Variants in SFXN5 observed in about 807,000 individuals in gnomAD.
SFXN5 encodes sideroflexin-5.
SFXN5 carries 43 observed loss-of-function variants against 50.2 expected under a neutral mutation model. The observed-to-expected ratio is 0.86, with a 90% CI of 0.67 to 1.11. The LOEUF (loss-of-function observed/expected upper bound fraction) is 1.11. Ranked by LOEUF, SFXN5 falls within the 50% of genes least tolerant of loss-of-function variation. SFXN5 has a pLI of 0.00. For synonymous variants in SFXN5, 203 were observed against 185.8 expected (o/e 1.09, Z -0.75); for missense variants, 463 against 454.1 (o/e 1.02, Z -0.18).
intron 2 of SFXN5, among the ~76,000 whole-genome samples, chr2:73,041,418 G>C (rs570876189): frequency 6.6e-6 from 1 of 152,148 alleles, no homozygotes; most frequent in African/African-American, 2.4e-5. Context: ...TAGGCCAGGC[G>C]CGGTGGCTCA....
intron 2 of SFXN5, among the ~76,000 whole-genome samples, chr2:73,050,720 T>C (rs1681196210): frequency 6.6e-6 from 1 of 152,212 alleles, no homozygotes; most frequent in Non-Finnish European, 1.5e-5. Context: ...TCTTAATGAA[T>C]AGCACCTGGC....
At chr2:73,023,132 A>T in intron 4 of SFXN5, 56 bp downstream of exon 4, 2 of 1,563,004 alleles carry the variant, frequency 1.3e-6, no homozygotes, top group Non-Finnish European at 1.7e-6. Context: ...GGGACAGGGC[A>T]GGGTGGAGTC....
At position 72,942,500 on chromosome 2, in the gene SFXN5, C is replaced by T. The variant is rs887545135; in HGVS notation, c.*2522G>A. 6.6e-6 allele frequency: 1 copy of T among 152,410 alleles called. No individual in the cohort carries two copies. Among genetic ancestry groups the T allele is most frequent in the South Asian group, 2.1e-4 (1 of 4,836 alleles). The allele number at this position is 152,410 out of a possible 1,614,324, so 9.4% of individuals were successfully genotyped here. A position where few individuals can be genotyped will look rare whatever the true frequency, so the allele number is the denominator to read the frequency against. On this transcript the variant is annotated 3_prime_UTR_variant, in exon 14 of 14. Transcript: ENST00000272433. ...GTTCTCGCACAGCTGGCCAGCCCCGCCCTGACTGTGTCCAGGCTTAGCCTC... is the reference window on the plus strand; with the variant it reads ...GTTCTCGCACAGCTGGCCAGCCCCGTCCTGACTGTGTCCAGGCTTAGCCTC...
chr2:72,961,663 A>G lies in SFXN5; in HGVS notation c.828-415T>C, dbSNP rs759076999. Among the ~76,000 whole-genome samples, 15 of 152,212 alleles carry G rather than the reference A, an allele frequency of 9.9e-5. No homozygotes were observed. Among genetic ancestry groups the G allele is most frequent in the Non-Finnish European group, 1.9e-4 (13 of 68,040 alleles). ...TCTCGAGGGCAGCACGTAATTAAAC[A>G]GCAAAGAAACCAGAGTAGGTGCCAA... On this transcript the variant is annotated intron_variant, in intron 12 of 13. Transcript: ENST00000272433. The surrounding 1 kb of genome is among the most constrained non-coding windows in gnomAD (Gnocchi z 4.4).
At chr2:72,994,418 GC>G (rs1672969710) in intron 9 of SFXN5, among the ~76,000 whole-genome samples, 1 of 152,114 alleles carries the variant, frequency 6.6e-6, no homozygotes, top group African/African-American at 2.4e-5. Context: ...AAGGTTAACA[GC>G]CACTGCATCC....
At chr2:72,985,956 G>A (rs905403655) in intron 10 of SFXN5, among the ~76,000 whole-genome samples, 9 of 152,192 alleles carry the variant, frequency 5.9e-5, no homozygotes, top group East Asian at 3.8e-4. Context: ...CCCCGGCAAA[G>A]TTCTTATCTA....
intron 13 of SFXN5, among the ~76,000 whole-genome samples, chr2:72,946,157 C>A (rs1299631303): frequency 1.3e-5 from 2 of 149,930 alleles, no homozygotes; most frequent in African/African-American, 4.9e-5. Context: ...CCTCCTGGGT[C>A]ATCCTCCCTC....
intron 2 of SFXN5, among the ~76,000 whole-genome samples, chr2:73,044,030 T>C (rs919758295): frequency 6.6e-6 from 1 of 152,154 alleles, no homozygotes; most frequent in Non-Finnish European, 1.5e-5. Flanking sequence ...CCCTTAAGCC[T>C]GCCCCTCCGG....
At chr2:73,035,733 T>C (rs1453591748) in intron 3 of SFXN5, among the ~76,000 whole-genome samples, 3 of 152,034 alleles carry the variant, frequency 2.0e-5, no homozygotes, top group Non-Finnish European at 2.9e-5. Flanking sequence ...CTCCTGACTT[T>C]AGGTGATCCA....
At chr2:73,002,770 T>C (rs940348706) in intron 6 of SFXN5, among the ~76,000 whole-genome samples, 1 of 152,222 alleles carries the variant, frequency 6.6e-6, no homozygotes, top group Non-Finnish European at 1.5e-5. Flanking sequence ...CGAGGAATTA[T>C]GAGATTTTTC....
intron 10 of SFXN5, among the ~76,000 whole-genome samples, chr2:72,978,602 A>T (rs1670920942): frequency 6.6e-6 from 1 of 152,160 alleles, no homozygotes. Flanking sequence ...AAAAATTTTA[A>T]GAGATTGATA....
intron 3 of SFXN5, among the ~76,000 whole-genome samples, chr2:73,040,213 G>C (rs185858165): frequency 1.5e-4 from 23 of 152,226 alleles, no homozygotes; most frequent in African/African-American, 3.9e-4. Flanking sequence ...TAAAGTTTAT[G>C]AACAAAAAGA....
intron 10 of SFXN5, among the ~76,000 whole-genome samples, chr2:72,974,855 G>GA (rs11430620): frequency 0.46 from 65,870 of 143,692 alleles, 15,130 homozygotes; most frequent in African/African-American, 0.53. Context: ...GAGAGAGAGA[G>GA]AAAAAAAAAA....
chr2:73,012,877 G>A (rs920102572), intron 6 of SFXN5, among the ~76,000 whole-genome samples: 1 of 152,044 alleles, frequency 6.6e-6, no homozygotes, highest in African/African-American at 2.4e-5. Context: ...GTAGCGTTAG[G>A]TAAGTCATAT....
chr2:73,050,154 C>T (rs779243292), intron 2 of SFXN5, among the ~76,000 whole-genome samples: 6 of 152,166 alleles, frequency 3.9e-5, no homozygotes, highest in Non-Finnish European at 7.4e-5. Flanking sequence ...GACAGCCATG[C>T]TTCAGCTCTC....
intron 13 of SFXN5, among the ~76,000 whole-genome samples, chr2:72,958,847 G>A (rs1673391824): frequency 6.6e-6 from 1 of 152,128 alleles, no homozygotes; most frequent in South Asian, 2.1e-4. Flanking sequence ...CATGAGATGA[G>A]GTCCTGCTAG....
chr2:73,010,689 G>T (rs966397492), intron 6 of SFXN5, among the ~76,000 whole-genome samples: 4 of 152,164 alleles, frequency 2.6e-5, no homozygotes, highest in African/African-American at 9.7e-5. Flanking sequence ...AATTGTAGAG[G>T]TCACTTTCTC....
intron 1 of SFXN5, among the ~76,000 whole-genome samples, chr2:73,062,492 C>A (rs1206277305): frequency 6.6e-6 from 1 of 152,184 alleles, no homozygotes; most frequent in Non-Finnish European, 1.5e-5. Flanking sequence ...AAACTTCAGC[C>A]TTTGACTTGT....
At chr2:73,040,003 G>A (rs1162245293) in intron 3 of SFXN5, among the ~76,000 whole-genome samples, 4 of 151,800 alleles carry the variant, frequency 2.6e-5, no homozygotes, top group Non-Finnish European at 4.4e-5. Flanking sequence ...TAAAGACACG[G>A]TTTCACCACG....
Sources: gnomAD v4.1 joint callset for allele counts (sites outside exome capture counted in the v4.1 genomes callset) on GRCh38, gnomAD v4.1.1 for gene constraint, Gnocchi (gnomAD v3.1) non-coding constraint, MANE v1.5 for transcripts, NCBI Gene and HGNC (gene_info 2026-07-23, HGNC 2026-07-21) for gene names.